The following PTCD1 variants were observed in gnomAD, a reference collection of about 807,000 sequenced individuals.
PTCD1 encodes the protein pentatricopeptide repeat domain 1, also known as pentatricopeptide repeat-containing protein 1, mitochondrial.
PTCD1 carries 50 observed loss-of-function variants against 53.4 expected under a neutral mutation model. That is an observed-to-expected ratio of 0.94 (90% CI 0.75 to 1.19). The LOEUF is 1.19. Among genes scored for constraint, PTCD1 ranks in the 50% most tolerant of loss-of-function variants. The pLI, the probability that PTCD1 is intolerant of heterozygous loss-of-function variation, is 0.00. For synonymous variants in PTCD1, 413 were observed against 394.8 expected, an observed-to-expected ratio of 1.05 and a Z score of -0.55; for missense variants, 918 against 904.8, an observed-to-expected ratio of 1.01 and a Z score of -0.19.
At chr7:99,424,758 C>T (rs1795952523) in intron 6 of PTCD1, 37 bp downstream of exon 6, 6 of 1,611,830 alleles carry the variant, frequency 3.7e-6, no homozygotes, top group African/African-American at 2.7e-5. Flanking sequence ...TGCTCCTGAG[C>T]ACCATGGGTG....
In PTCD1 at chr7:99,419,998, G is replaced by C. The variant is rs1795726621; in HGVS notation, c.2072C>G (p.Ala691Gly). ...PQGDQDTGKEADDGCALGGR is the reference protein window; with the variant it reads ...PQGDQDTGKEGDDGCALGGR ...GCCCCCAAGGGCACATCCGTCATCA[G>C]CCTCCTTGCCGGTGTCCTGGTCCCC... The change falls in exon 8 of 8, where the codon GCT becomes GGT. Residue 691 changes from alanine (A) to glycine (G), a missense_variant. Ala to Gly is a moderately conservative substitution (Grantham distance 60, BLOSUM62 0). Coordinates refer to ENST00000292478, the MANE Select transcript of PTCD1 (RefSeq NM_015545.4). 6.2e-7 allele frequency: 1 copy of C among 1,614,104 alleles called. No homozygotes were observed. The highest frequency in any genetic ancestry group is 1.7e-5 in the Admixed American group (1 of 60,008).
In PTCD1 at chr7:99,417,654, C is replaced by G. The variant is rs746898961; in HGVS notation, c.*2313G>C. 1 of 1,597,196 alleles carries G rather than the reference C, an allele frequency of 6.3e-7. No individual in the cohort carries two copies. The highest frequency in any genetic ancestry group is 2.2e-5 in the East Asian group (1 of 44,754). ...CAGCTCAAAATTCTGCCTTAGTCGACTGCAAGGGATCTTATGTTATTTGGT... is the reference window on the plus strand; with the variant it reads ...CAGCTCAAAATTCTGCCTTAGTCGAGTGCAAGGGATCTTATGTTATTTGGT... On this transcript the variant is annotated 3_prime_UTR_variant, in exon 8 of 8. Transcript: ENST00000292478.
rs1795584304 is a variant in PTCD1, at chr7:99,417,726, T to C, written c.*2241A>G. On this transcript the variant is annotated 3_prime_UTR_variant, in exon 8 of 8. Coordinates refer to ENST00000292478, the MANE Select transcript of PTCD1 (RefSeq NM_015545.4). ...CCCTGGATGTCCTGCTGGCTCTCCC[T>C]CGTGGGAGTGGGTCCCTGTATTCAG... The C allele has an allele frequency of 1.3e-6, 2 of 1,537,644 alleles. No homozygotes were observed. The highest frequency in any genetic ancestry group is 2.4e-5 in the South Asian group (2 of 83,648).
At chr7:99,429,914 AC>A in intron 3 of PTCD1, 108 bp from the exon 4 acceptor site, 1 of 1,376,530 alleles carries the variant, frequency 7.3e-7, no homozygotes, top group Non-Finnish European at 1.0e-6. Context: ...CACTGCATCC[AC>A]CAGGCCAGGC....
In PTCD1 at chr7:99,435,178, T is replaced by A; in HGVS notation, c.65A>T (p.Gln22Leu). 6.2e-7 allele frequency: 1 copy of A among 1,604,954 alleles called. No homozygotes were observed. The highest frequency in any genetic ancestry group is 8.5e-7 in the Non-Finnish European group (1 of 1,179,030). ...CCTGGCTCTACAGGGGTCCAGGTGT[T>A]GCAGGATGAACAGTCCCATGGGGCG... ...RARPMGLFIL[Q>L]HLDPCRARWA... Residue 22 changes from glutamine to leucine, a missense_variant, in exon 2 of 8, where the codon CAA (glutamine) becomes CTA (leucine). Gln to Leu is a moderately radical substitution (Grantham distance 113). Coordinates refer to ENST00000292478, the MANE Select transcript of PTCD1 (RefSeq NM_015545.4).
At chr7:99,430,444 A>G (rs1191611886) in intron 3 of PTCD1, among the ~76,000 whole-genome samples, 21 of 152,224 alleles carry the variant, frequency 1.4e-4, no homozygotes, top group Admixed American at 1.4e-3. Context: ...GGCCATCTGG[A>G]CAAAGGCAGG....
rs1381992507 is a variant in PTCD1, at chr7:99,433,438, G to A, written c.454-20C>T. The stretch of plus-strand genomic sequence containing the variant: ...AACCAGCTGCAGGGAAGAGGCAACA[G>A]GGCAGGGGCTCAGAATGGCCCCAGA... On this transcript the variant is annotated intron_variant, in intron 2 of 7. Coordinates refer to ENST00000292478, the MANE Select transcript of PTCD1 (RefSeq NM_015545.4). The A allele has an allele frequency of 6.2e-7, 1 of 1,614,054 alleles. No homozygotes were observed. Among genetic ancestry groups the A allele is most frequent in the East Asian group, 2.2e-5 (1 of 44,876 alleles).
At chr7:99,429,320 G>T in intron 4 of PTCD1, 116 bp from the exon 5 acceptor site, 1 of 1,362,390 alleles carries the variant, frequency 7.3e-7, no homozygotes, top group Non-Finnish European at 1.0e-6. Flanking sequence ...CTTGAGGCCA[G>T]GAGTTTTGTG....
intron 1 of PTCD1, among the ~76,000 whole-genome samples, chr7:99,437,167 T>G (rs868005706): frequency 1.9e-4 from 29 of 152,216 alleles, no homozygotes; most frequent in African/African-American, 7.0e-4. Flanking sequence ...TGCCCTGCCT[T>G]ACGTGCATTA....
At chr7:99,429,007 C>G in intron 5 of PTCD1, 96 bp downstream of exon 5, 1 of 1,406,312 alleles carries the variant, frequency 7.1e-7, no homozygotes, top group South Asian at 1.2e-5. Context: ...TATAAAAATA[C>G]TCAGCACAGG....
At chr7:99,420,811 G>A (rs1223188735) in intron 7 of PTCD1, among the ~76,000 whole-genome samples, 1 of 152,098 alleles carries the variant, frequency 6.6e-6, no homozygotes, top group Non-Finnish European at 1.5e-5. Flanking sequence ...ACTGGATGTG[G>A]CGGTGCATGC....
intron 5 of PTCD1, among the ~76,000 whole-genome samples, chr7:99,426,122 C>G (rs1796004891): frequency 6.7e-6 from 1 of 149,746 alleles, no homozygotes; most frequent in Non-Finnish European, 1.5e-5. Flanking sequence ...TCTCCCTCTC[C>G]CCCTCCCTCT....
In PTCD1 at chr7:99,419,104, G is replaced by T. The variant is rs558811726; in HGVS notation, c.*863C>A. Reference sequence around the variant, plus strand: ...TGTCATGCTCACTTAGCAGAATAACGAGACTCATTCACACCGATTTCTTTT... The same window carrying T: ...TGTCATGCTCACTTAGCAGAATAACTAGACTCATTCACACCGATTTCTTTT... On this transcript the variant is annotated 3_prime_UTR_variant, in exon 8 of 8. Coordinates refer to ENST00000292478, the MANE Select transcript of PTCD1 (RefSeq NM_015545.4). The T allele has an allele frequency of 1.0e-5, 5 of 483,412 alleles. No individual in the cohort carries two copies. Among genetic ancestry groups the T allele is most frequent in the Non-Finnish European group, 1.9e-5 (5 of 264,974 alleles). The allele number at this position is 483,412 out of a possible 1,614,324, so 29.9% of individuals were successfully genotyped here.
In PTCD1 at chr7:99,434,795, C is replaced by T. The variant is rs1796396898; in HGVS notation, c.448G>A (p.Gly150Arg). The change falls in exon 2 of 8, where the codon GGG (glycine) becomes AGG (arginine). Residue 150 changes from glycine to arginine, a missense_variant. Coordinates refer to ENST00000292478, the MANE Select transcript of PTCD1 (RefSeq NM_015545.4). Reference protein sequence around the residue: ...FLQCKHLIKEGKLVEALDLFE... With the variant: ...FLQCKHLIKERKLVEALDLFE... ...GAACCCAAAGTGCCCCTTACCTTCCCTTCCTTGATCAGGTGTTTGCACTGC... is the reference window on the plus strand; with the variant it reads ...GAACCCAAAGTGCCCCTTACCTTCCTTTCCTTGATCAGGTGTTTGCACTGC... 1 of 1,613,958 alleles carries T rather than the reference C, an allele frequency of 6.2e-7. No individual in the cohort carries two copies. Among genetic ancestry groups the T allele is most frequent in the Admixed American group, 1.7e-5 (1 of 59,996 alleles).
In PTCD1 at chr7:99,417,494, C is replaced by A; in HGVS notation, c.*2473G>T. 6.2e-7 allele frequency: 1 copy of A among 1,611,342 alleles called. No individual in the cohort carries two copies. Among genetic ancestry groups the A allele is most frequent in the Non-Finnish European group, 8.5e-7 (1 of 1,178,442 alleles). The stretch of plus-strand genomic sequence containing the variant: ...AAACCTGATTGCAAAATGGAAAAAG[C>A]AAGGATATGAGAACTTGTGCTGCCT... On this transcript the variant is annotated 3_prime_UTR_variant, in exon 8 of 8. Transcript: ENST00000292478.
intron 3 of PTCD1, among the ~76,000 whole-genome samples, chr7:99,430,377 T>G (rs1227857113): frequency 1.3e-5 from 2 of 152,166 alleles, no homozygotes; most frequent in Non-Finnish European, 2.9e-5. Context: ...GACTAAGGCA[T>G]GTGCTCAGGG....
chr7:99,431,421 C>T (rs1035462197), intron 3 of PTCD1, among the ~76,000 whole-genome samples: 1 of 152,112 alleles, frequency 6.6e-6, no homozygotes, highest in Non-Finnish European at 1.5e-5. Flanking sequence ...AGCCACCGCA[C>T]CTGGCCAAAA....
At position 99,438,763 on chromosome 7, in the gene PTCD1, C is replaced by G; in HGVS notation, c.-98G>C. On this transcript the variant is annotated 5_prime_UTR_variant, in exon 1 of 8. Coordinates refer to ENST00000292478, the MANE Select transcript of PTCD1 (RefSeq NM_015545.4). ...CCCCGCGGCGAACCAGTCTCTTCCT[C>G]GGGTCCCCCTCTCCCCAAGCGCGCA... 26 of 1,344,852 alleles carry G rather than the reference C, an allele frequency of 1.9e-5. No individual in the cohort carries two copies. The highest frequency in any genetic ancestry group is 2.3e-5 in the Non-Finnish European group (24 of 1,026,208). The allele number at this position is 1,344,852 out of a possible 1,614,324, so 83.3% of individuals were successfully genotyped here.
chr7:99,421,563 T>G (rs1795820385), intron 7 of PTCD1, among the ~76,000 whole-genome samples: 3 of 143,490 alleles, frequency 2.1e-5, no homozygotes, highest in Non-Finnish European at 3.0e-5. Flanking sequence ...GCCAAGATGG[T>G]GAAACCCCGT....
Sources: allele counts gnomAD v4.1 joint callset (sites outside exome capture counted in the v4.1 genomes callset), GRCh38; gene constraint gnomAD v4.1.1; transcripts MANE v1.5; gene names NCBI Gene and HGNC (gene_info 2026-07-23, HGNC 2026-07-21).